Variants in KATNAL1 observed in about 807,000 individuals in gnomAD.
KATNAL1 encodes the protein katanin catalytic subunit A1 like 1, also known as katanin p60 ATPase-containing subunit A-like 1.
Under a neutral mutation model 55.2 loss-of-function variants are expected in KATNAL1, and 32 were observed. The observed-to-expected ratio is 0.58, with a 90% CI of 0.44 to 0.78. The LOEUF (loss-of-function observed/expected upper bound fraction) is 0.78, where lower values mean the gene tolerates loss of function less well. KATNAL1 is among the 30% of genes least tolerant of loss of function. KATNAL1 has a pLI of 0.00. For missense variants in KATNAL1, 466 were observed against 600.9 expected (o/e 0.78, Z 2.35); for synonymous variants, 193 against 193.6 (o/e 1.00, Z 0.02).
At chr13:30,278,722 G>C (rs1012553259) in intron 3 of KATNAL1, among the ~76,000 whole-genome samples, 1 of 152,154 alleles carries the variant, frequency 6.6e-6, no homozygotes. Context: ...TAAAAAACAA[G>C]GTATTTCATT....
At chr13:30,296,874 G>A (rs549848041) in intron 1 of KATNAL1, 2 of 348,596 alleles carry the variant, frequency 5.7e-6, no homozygotes, top group East Asian at 7.1e-5. Context: ...TGGGACCCTG[G>A]AGGGCTAGGC....
intron 5 of KATNAL1, among the ~76,000 whole-genome samples, 161 bp from the exon 6 acceptor site, chr13:30,240,726 TTAA>T (rs1877184636): frequency 6.6e-6 from 1 of 152,240 alleles, no homozygotes. Context: ...ACATTAGTTA[TTAA>T]TGAGGACATG....
chr13:30,302,268 T>G (rs957489942), intron 1 of KATNAL1, among the ~76,000 whole-genome samples: 2 of 152,202 alleles, frequency 1.3e-5, no homozygotes, highest in South Asian at 2.1e-4. Flanking sequence ...ACCTACCACA[T>G]TAAGCAAATA....
intron 3 of KATNAL1, among the ~76,000 whole-genome samples, chr13:30,260,739 T>G (rs1382327681): frequency 6.7e-6 from 1 of 148,864 alleles, no homozygotes; most frequent in Non-Finnish European, 1.5e-5. Flanking sequence ...CAAATCTACA[T>G]CTGATTTGTG....
intron 8 of KATNAL1, among the ~76,000 whole-genome samples, chr13:30,229,243 G>A (rs958207583): frequency 1.1e-4 from 17 of 151,070 alleles, no homozygotes; most frequent in African/African-American, 4.1e-4. Context: ...GTCCAACTTG[G>A]CTATCTCTTT....
intron 4 of KATNAL1, among the ~76,000 whole-genome samples, chr13:30,247,834 C>A (rs1001971654): frequency 4.6e-5 from 7 of 152,164 alleles, no homozygotes; most frequent in African/African-American, 1.4e-4. Flanking sequence ...TGCTCTGATG[C>A]CAACAAGCCA....
intron 1 of KATNAL1, chr13:30,296,010 C>G (rs1175402378): frequency 5.3e-6 from 1 of 188,090 alleles, no homozygotes; most frequent in African/African-American, 2.4e-5. Context: ...TCAAGACCAG[C>G]CTGGGCAACA....
intron 3 of KATNAL1, among the ~76,000 whole-genome samples, chr13:30,265,150 A>T (rs1879645431): frequency 6.7e-6 from 1 of 148,780 alleles, no homozygotes; most frequent in Non-Finnish European, 1.5e-5. Context: ...GCATATTCTC[A>T]CTCATAGGTG....
intron 4 of KATNAL1, among the ~76,000 whole-genome samples, chr13:30,243,608 C>CAAAAAAAAAAAAAAAAAAAAAAA (rs139687662): frequency 1.2e-5 from 1 of 86,466 alleles, no homozygotes. Context: ...GGTATTAAGC[C>CAAAAAAAAAAAAAAAAAAAAAAA]AAAAAAAAAA....
intron 3 of KATNAL1, among the ~76,000 whole-genome samples, chr13:30,274,679 A>G (rs1880619843): frequency 6.6e-6 from 1 of 152,218 alleles, no homozygotes. Context: ...TCCTCAAAAA[A>G]TTAAATAGAA....
At chr13:30,233,500 T>C (rs959923004) in intron 6 of KATNAL1, among the ~76,000 whole-genome samples, 4 of 151,956 alleles carry the variant, frequency 2.6e-5, no homozygotes, top group African/African-American at 4.8e-5. Flanking sequence ...TCCTATACTG[T>C]TGGTGGGAGC....
chr13:30,233,260 C>G (rs77313593), intron 6 of KATNAL1, among the ~76,000 whole-genome samples: 11,911 of 151,952 alleles, frequency 0.078, 482 homozygotes, highest in Admixed American at 0.09. Context: ...AACTCAATAG[C>G]AAAAAGACAA....
chr13:30,297,221 G>C (rs1161803081), intron 1 of KATNAL1, among the ~76,000 whole-genome samples: 1 of 151,424 alleles, frequency 6.6e-6, no homozygotes, highest in Non-Finnish European at 1.5e-5. Context: ...AGAGGAAAAA[G>C]AGAAGAAGGA....
At chr13:30,303,914 C>T (rs1471792229) in intron 1 of KATNAL1, among the ~76,000 whole-genome samples, 1 of 152,144 alleles carries the variant, frequency 6.6e-6, no homozygotes, top group Non-Finnish European at 1.5e-5. Context: ...CAAGTAAAGT[C>T]TAGAACAGGG....
chr13:30,236,070 A>G (rs1876644589), intron 6 of KATNAL1, among the ~76,000 whole-genome samples: 1 of 152,074 alleles, frequency 6.6e-6, no homozygotes, highest in African/African-American at 2.4e-5. Context: ...TAAGGAGGAG[A>G]AGGAAAAGGA....
In KATNAL1 at chr13:30,291,647, G is replaced by A. The variant is rs559713065; in HGVS notation, c.-14-7856C>T. Among the ~76,000 whole-genome samples, 7 of 152,258 alleles carry A rather than the reference G, an allele frequency of 4.6e-5. No homozygotes were observed. The South Asian group carries it at 1.5e-3, about 32-fold the overall frequency. On this transcript the variant is annotated intron_variant, in intron 1 of 10. Transcript: ENST00000380615. ...CAATAAAGTAGGACTTACTAACACA[G>A]ATGTATTCAGGTGGGGTACTTCTAA...
chr13:30,250,684 T>C (rs951164851), intron 4 of KATNAL1, among the ~76,000 whole-genome samples: 4 of 152,194 alleles, frequency 2.6e-5, no homozygotes, highest in African/African-American at 9.7e-5. Context: ...TTATGCACAA[T>C]TTAATGAAAT....
chr13:30,306,585 T>C (rs1002272404), intron 1 of KATNAL1: 14 of 152,324 alleles, frequency 9.2e-5, no homozygotes, highest in African/African-American at 3.1e-4. Flanking sequence ...TTTCCACACT[T>C]AACCTTTAAA....
chr13:30,240,640 T>A (rs1018623904), intron 5 of KATNAL1, 75 bp from the exon 6 acceptor site: 1 of 954,624 alleles, frequency 1.0e-6, no homozygotes, highest in Non-Finnish European at 1.6e-6. Context: ...ATTCTTTTAA[T>A]TTTTTTTTAC....
Sources: allele counts gnomAD v4.1 joint callset (sites outside exome capture counted in the v4.1 genomes callset), GRCh38; gene constraint gnomAD v4.1.1; transcripts MANE v1.5; gene names NCBI Gene and HGNC (gene_info 2026-07-23, HGNC 2026-07-21).